GEMIN7: variants seen among roughly 807,000 people sequenced by gnomAD.
GEMIN7 encodes the protein gem-associated protein 7.
A neutral mutation model predicts 7.8 loss-of-function variants in GEMIN7; 7 were observed. The observed-to-expected ratio is 0.90, with a 90% confidence interval of 0.51 to 1.69. The LOEUF (loss-of-function observed/expected upper bound fraction) is 1.69. Ranked by LOEUF, GEMIN7 falls within the 40% of genes most tolerant of loss-of-function variation. GEMIN7 has a pLI of 0.00. For missense variants in GEMIN7, 159 were observed against 176.2 expected (o/e 0.90, Z 0.55); for synonymous variants, 68 against 72.4 (o/e 0.94, Z 0.31).
chr19:45,088,195 C>T (rs1429856484), intron 2 of GEMIN7, among the ~76,000 whole-genome samples: 1 of 152,220 alleles, frequency 6.6e-6, no homozygotes, highest in South Asian at 2.1e-4. Context: ...ATCTGCCCAC[C>T]TCGGCCTCCC....
At chr19:45,078,008 G>T (rs1256397952), upstream of GEMIN7, among the ~76,000 whole-genome samples, 2 of 151,920 alleles carry the variant, frequency 1.3e-5, no homozygotes, top group South Asian at 4.2e-4. Flanking sequence ...GAGATTACAG[G>T]TGTGAGACAC....
upstream of GEMIN7, among the ~76,000 whole-genome samples, chr19:45,077,526 C>G (rs551765614): frequency 2.6e-5 from 4 of 152,184 alleles, no homozygotes; most frequent in South Asian, 2.1e-4. Flanking sequence ...TCCTCTCCCC[C>G]ACCCAATGCA....
In GEMIN7 at chr19:45,090,106, G is replaced by A. The variant is rs374854536; in HGVS notation, c.-8-1G>A. The A allele has an allele frequency of 6.2e-7, 1 of 1,603,358 alleles. No homozygotes were observed. Among genetic ancestry groups the A allele is most frequent in the African/African-American group, 1.3e-5 (1 of 74,616 alleles). On this transcript the variant is annotated splice_acceptor_variant, in intron 2 of 2. Transcript: ENST00000270257. LOFTEE classifies it low-confidence loss of function (5UTR_SPLICE). The stretch of plus-strand genomic sequence containing the variant: ...TCCTGCTCTTTTTCTTCACTCAACA[G>A]CCAAGACAATGCAAACTCCAGTGAA...
chr19:45,087,036 G>A (rs538923544), intron 2 of GEMIN7, among the ~76,000 whole-genome samples: 2 of 152,062 alleles, frequency 1.3e-5, no homozygotes, highest in East Asian at 1.9e-4. Flanking sequence ...TAGTAGAGAC[G>A]GGGTTTCACC....
chr19:45,076,190 A>C (rs2122638866), upstream of GEMIN7: 1 of 1,494,594 alleles, frequency 6.7e-7, no homozygotes, highest in Non-Finnish European at 8.9e-7. This position sits in a 1 kb window ranked among gnomAD's most constrained non-coding sequence, Gnocchi z 4.9. Context: ...TCGCCGCCGA[A>C]CCGCCCCGCC....
intron 2 of GEMIN7, among the ~76,000 whole-genome samples, 182 bp downstream of exon 2, chr19:45,080,211 C>T (rs749085641): frequency 6.6e-5 from 10 of 152,106 alleles, no homozygotes; most frequent in Admixed American, 3.3e-4. Flanking sequence ...CAATGGATAA[C>T]GCCTGCCTCT....
intron 2 of GEMIN7, among the ~76,000 whole-genome samples, chr19:45,084,903 G>T (rs1967628551): frequency 6.6e-6 from 1 of 152,214 alleles, no homozygotes; most frequent in Non-Finnish European, 1.5e-5. Flanking sequence ...TTACAGGCAT[G>T]CACCACCACT....
At chr19:45,079,707 G>C (rs1568428566) in intron 1 of GEMIN7, among the ~76,000 whole-genome samples, 200 bp from the exon 2 acceptor site, 1 of 152,180 alleles carries the variant, frequency 6.6e-6, no homozygotes, top group East Asian at 1.9e-4. Flanking sequence ...AAGAAAAGGA[G>C]AGCAATGGGT....
At chr19:45,089,511 G>C (rs902223928) in intron 2 of GEMIN7, among the ~76,000 whole-genome samples, 1 of 152,024 alleles carries the variant, frequency 6.6e-6, no homozygotes, top group Non-Finnish European at 1.5e-5. Context: ...GATGGATTGG[G>C]TGGGTTGTGT....
upstream of GEMIN7, chr19:45,076,723 C>T (rs1967363610): frequency 4.5e-6 from 1 of 224,576 alleles, no homozygotes; most frequent in Non-Finnish European, 8.7e-6. This position sits in a 1 kb window ranked among gnomAD's most constrained non-coding sequence, Gnocchi z 4.9. Flanking sequence ...CACGGCATGC[C>T]CACACGCACC....
At chr19:45,080,782 T>TTTC (rs1555735694) in intron 2 of GEMIN7, among the ~76,000 whole-genome samples, 4 of 148,572 alleles carry the variant, frequency 2.7e-5, no homozygotes, top group Admixed American at 6.7e-5. Flanking sequence ...TTTTTTTTTT[T>TTTC]CCTGATGGAG....
At chr19:45,076,683 G>A, upstream of GEMIN7, 1 of 266,494 alleles carries the variant, frequency 3.8e-6, no homozygotes. The surrounding 1 kb of genome is among the most constrained non-coding windows in gnomAD (Gnocchi z 4.9). Context: ...AGCTATCCCT[G>A]ATCCCGTTTT....
intron 2 of GEMIN7, among the ~76,000 whole-genome samples, chr19:45,086,248 G>GT (rs1967683808): frequency 6.6e-6 from 1 of 151,862 alleles, no homozygotes; most frequent in Non-Finnish European, 1.5e-5. Flanking sequence ...GGGTGACAGA[G>GT]TGAGACTCTG....
At chr19:45,081,951 C>A (rs1269413532) in intron 2 of GEMIN7, among the ~76,000 whole-genome samples, 1 of 152,112 alleles carries the variant, frequency 6.6e-6, no homozygotes, top group Non-Finnish European at 1.5e-5. Flanking sequence ...CCTAATCTGA[C>A]CACTTCTCCC....
chr19:45,078,454 T>A (rs925052847), upstream of GEMIN7, among the ~76,000 whole-genome samples: 3 of 152,160 alleles, frequency 2.0e-5, no homozygotes, highest in Non-Finnish European at 2.9e-5. Context: ...ATTTGCTCAT[T>A]TTACCCTATT....
chr19:45,077,735 A>G (rs1967383735), upstream of GEMIN7, among the ~76,000 whole-genome samples: 1 of 151,944 alleles, frequency 6.6e-6, no homozygotes, highest in South Asian at 2.1e-4. Context: ...ATTACACTCC[A>G]TGACCTCCAT....
rs181625807 is a variant in GEMIN7, at chr19:45,079,995, C to A, written c.-43C>A. The A allele has an allele frequency of 6.6e-6, 1 of 152,426 alleles. No individual in the cohort carries two copies. Among genetic ancestry groups the A allele is most frequent in the Non-Finnish European group, 1.5e-5 (1 of 68,068 alleles). The allele number at this position is 152,426 out of a possible 1,614,324, so 9.4% of individuals were successfully genotyped here. A position where few individuals can be genotyped will look rare whatever the true frequency, so the allele number is the denominator to read the frequency against. ...CCAAATGTTTGTCCACTGAGCTGAT[C>A]TCCTCTCTGGAGCACCGGGGCCACC... is the stretch of plus-strand genomic sequence containing the variant. On this transcript the variant is annotated 5_prime_UTR_variant, in exon 2 of 3. Coordinates refer to ENST00000270257, the MANE Select transcript of GEMIN7 (RefSeq NM_024707.3).
chr19:45,088,661 C>G (rs1484771826), intron 2 of GEMIN7: 4 of 152,052 alleles, frequency 2.6e-5, no homozygotes, highest in African/African-American at 7.2e-5. Context: ...GCTGGAAGAT[C>G]ACTTGAGGCC....
intron 2 of GEMIN7, among the ~76,000 whole-genome samples, chr19:45,089,353 T>C (rs926229099): frequency 1.3e-5 from 2 of 152,240 alleles, no homozygotes; most frequent in African/African-American, 4.8e-5. Context: ...ATTATTGGTA[T>C]GGATTCTGGA....
Sources: gnomAD v4.1 joint callset for allele counts (sites outside exome capture counted in the v4.1 genomes callset) on GRCh38, gnomAD v4.1.1 for gene constraint, Gnocchi (gnomAD v3.1) non-coding constraint, MANE v1.5 for transcripts, NCBI Gene and HGNC (gene_info 2026-07-23, HGNC 2026-07-21) for gene names.